Variants in FABP12 observed in about 807,000 individuals in gnomAD.
The protein encoded by FABP12 is fatty acid binding protein 12, also known as fatty acid-binding protein 12.
In FABP12, 19 loss-of-function variants were observed where a neutral mutation model predicts 13.7. The observed-to-expected ratio is 1.39, with a 90% CI of 0.97 to 2.04. FABP12 has a LOEUF of 2.04. Among genes scored for constraint, FABP12 ranks in the 30% most tolerant of loss-of-function variants. FABP12 has a pLI of 0.00. For missense variants in FABP12, 182 were observed against 164.2 expected (o/e 1.11, Z -0.59); for synonymous variants, 61 against 57.0 (o/e 1.07, Z -0.32).
intron 1 of FABP12, among the ~76,000 whole-genome samples, chr8:81,567,487 C>A (rs1809846522): frequency 6.6e-6 from 1 of 152,080 alleles, no homozygotes; most frequent in African/African-American, 2.4e-5. Context: ...CACAAGAGAA[C>A]CCAGAAATAA....
chr8:81,546,874 G>A (rs1212908401), intron 1 of FABP12, among the ~76,000 whole-genome samples: 2 of 151,936 alleles, frequency 1.3e-5, no homozygotes, highest in South Asian at 2.1e-4. Context: ...GTCTTCACAC[G>A]CCCACCTCAA....
intron 1 of FABP12, among the ~76,000 whole-genome samples, chr8:81,566,689 C>G (rs556739330): frequency 6.6e-6 from 1 of 151,910 alleles, no homozygotes; most frequent in Non-Finnish European, 1.5e-5. Context: ...TAAGATAGAC[C>G]CACACTAGTA....
chr8:81,548,759 CAAAG>C (rs1345718694), intron 1 of FABP12, among the ~76,000 whole-genome samples: 1 of 151,744 alleles, frequency 6.6e-6, no homozygotes, highest in Non-Finnish European at 1.5e-5. Context: ...TACTGGGAGA[CAAAG>C]AAAGGCTAGA....
intron 1 of FABP12, among the ~76,000 whole-genome samples, chr8:81,561,060 G>A (rs999182044): frequency 1.3e-5 from 2 of 152,114 alleles, no homozygotes; most frequent in African/African-American, 2.4e-5. Context: ...AGAACCTCTC[G>A]TTCTCTTTTC....
At chr8:81,585,568 T>C (rs1457723699) in intron 1 of FABP12, among the ~76,000 whole-genome samples, 1 of 152,244 alleles carries the variant, frequency 6.6e-6, no homozygotes, top group Admixed American at 6.5e-5. Flanking sequence ...ATGAAGGGTC[T>C]TTTGTGGTTC....
chr8:81,584,051 A>G (rs1386878125), intron 1 of FABP12, among the ~76,000 whole-genome samples: 3 of 152,250 alleles, frequency 2.0e-5, no homozygotes, highest in African/African-American at 4.8e-5. Context: ...AAATCAGTCA[A>G]TGTGATACAT....
chr8:81,568,317 G>T (rs1183504602), intron 1 of FABP12, among the ~76,000 whole-genome samples: 1 of 152,102 alleles, frequency 6.6e-6, no homozygotes, highest in Non-Finnish European at 1.5e-5. Flanking sequence ...ATGGGCAAAA[G>T]ATCTGAATAG....
At chr8:81,585,260 G>A (rs1189722432) in intron 1 of FABP12, among the ~76,000 whole-genome samples, 3 of 152,094 alleles carry the variant, frequency 2.0e-5, no homozygotes, top group Non-Finnish European at 4.4e-5. Context: ...CGCTTTTTGT[G>A]TATAGTGAGA....
At chr8:81,587,546 G>A (rs2130115622) in intron 1 of FABP12, among the ~76,000 whole-genome samples, 1 of 151,930 alleles carries the variant, frequency 6.6e-6, no homozygotes, top group East Asian at 1.9e-4. Flanking sequence ...TTATTATTTT[G>A]GCTATTTTGA....
intron 1 of FABP12, among the ~76,000 whole-genome samples, chr8:81,580,116 C>A (rs1810132818): frequency 6.6e-6 from 1 of 152,180 alleles, no homozygotes; most frequent in South Asian, 2.1e-4. Flanking sequence ...GCTGTCAGCT[C>A]CTGTAGAGCT....
At chr8:81,583,786 T>C (rs1810203081) in intron 1 of FABP12, among the ~76,000 whole-genome samples, 1 of 152,166 alleles carries the variant, frequency 6.6e-6, no homozygotes, top group Non-Finnish European at 1.5e-5. Context: ...TAACACTAGT[T>C]TTCTTCAAAC....
intron 1 of FABP12, among the ~76,000 whole-genome samples, chr8:81,583,840 A>AGGG (rs1810204184): frequency 6.6e-6 from 1 of 152,192 alleles, no homozygotes; most frequent in Non-Finnish European, 1.5e-5. Flanking sequence ...GACTCATTAT[A>AGGG]TAAGGCCAGC....
intron 1 of FABP12, among the ~76,000 whole-genome samples, chr8:81,560,920 TA>T (rs1267046081): frequency 2.0e-5 from 3 of 152,208 alleles, no homozygotes; most frequent in Non-Finnish European, 4.4e-5. Context: ...TTGGCTGTTG[TA>T]TCTTCAGGGT....
At chr8:81,554,991 G>T in intron 1 of FABP12, among the ~76,000 whole-genome samples, 1 of 152,020 alleles carries the variant, frequency 6.6e-6, no homozygotes, top group East Asian at 1.9e-4. Flanking sequence ...ATTCGAGATG[G>T]AATGAGGTCA....
chr8:81,561,758 A>G (rs1809727169), intron 1 of FABP12, among the ~76,000 whole-genome samples: 1 of 152,188 alleles, frequency 6.6e-6, no homozygotes, highest in Non-Finnish European at 1.5e-5. Context: ...GGCCAGCCCT[A>G]GGCAGAGGTG....
chr8:81,571,902 GCTTA>G (rs1370409670), intron 1 of FABP12, among the ~76,000 whole-genome samples: 7 of 152,034 alleles, frequency 4.6e-5, no homozygotes, highest in South Asian at 2.1e-4. Flanking sequence ...CCAGAAATAT[GCTTA>G]CTATTAAGAT....
At chr8:81,527,637 C>T (rs1040517470) in intron 3 of FABP12, among the ~76,000 whole-genome samples, 5 of 152,220 alleles carry the variant, frequency 3.3e-5, no homozygotes, top group African/African-American at 1.2e-4. Flanking sequence ...ACTGGGATTA[C>T]AGGCATGAGC....
exon 2 of FABP12, chr8:81,531,389 A>C (rs1585835756): frequency 9.9e-7 from 1 of 1,010,060 alleles, no homozygotes; most frequent in East Asian, 2.6e-5. Flanking sequence ...GTAGTATGGG[A>C]ACTTGTTTTT....
intron 1 of FABP12, among the ~76,000 whole-genome samples, chr8:81,546,379 C>T (rs1294875018): frequency 3.3e-5 from 5 of 151,948 alleles, no homozygotes; most frequent in Admixed American, 6.6e-5. Context: ...AATGGCTGGG[C>T]GCAGTGGCTC....
Sources: gnomAD v4.1 joint callset for allele counts (sites outside exome capture counted in the v4.1 genomes callset) on GRCh38, gnomAD v4.1.1 for gene constraint, MANE v1.5 for transcripts, NCBI Gene and HGNC (gene_info 2026-07-23, HGNC 2026-07-21) for gene names.